Variants in MEGF8 observed in about 807,000 individuals in gnomAD.
MEGF8 encodes multiple epidermal growth factor-like domains protein 8.
In MEGF8, 156 loss-of-function variants were observed where a neutral mutation model predicts 302.9. That is an observed-to-expected ratio of 0.52 (90% CI 0.45 to 0.59). The LOEUF (loss-of-function observed/expected upper bound fraction) is 0.59. Ranked by LOEUF, MEGF8 falls within the 20% of genes least tolerant of loss-of-function variation. MEGF8 has a pLI of 0.00. For missense variants in MEGF8, 3,345 were observed against 3,964.5 expected (o/e 0.84, Z 4.20); for synonymous variants, 1,621 against 1,660.5 (o/e 0.98, Z 0.58).
rs561021039 is a variant in MEGF8 at position 42,354,378 on chromosome 19, A to G, written c.4012-210A>G. 6.6e-6 allele frequency among the ~76,000 whole-genome samples: 1 copy of G among 152,070 alleles called. No homozygotes were observed. Among genetic ancestry groups the G allele is most frequent in the African/African-American group, 2.4e-5 (1 of 41,414 alleles). On this transcript the variant is annotated intron_variant, in intron 22 of 41. Coordinates refer to ENST00000251268, the MANE Select transcript of MEGF8 (RefSeq NM_001271938.2). This position sits in a 1 kb window ranked among gnomAD's most constrained non-coding sequence, Gnocchi z 4.3. ...CATGTTGAGAAAGGGGCTCAATGCAAGAGTGCCTGATAGATGAGCCGTGTC... is the reference window on the plus strand; with the variant it reads ...CATGTTGAGAAAGGGGCTCAATGCAGGAGTGCCTGATAGATGAGCCGTGTC...
chr19:42,365,491 T>C (rs953076214), intron 35 of MEGF8, among the ~76,000 whole-genome samples: 1 of 150,140 alleles, frequency 6.7e-6, no homozygotes, highest in African/African-American at 2.5e-5. Context: ...CTTAGCTGGG[T>C]GGGGTGGCTC....
At position 42,375,433 on chromosome 19, in the gene MEGF8, C is replaced by T. The variant is rs988273636; in HGVS notation, c.7270-74C>T. Reference sequence around the variant, plus strand: ...TACTTAGCAGTGGGTATAGAGTATTCGTCACTGCTGCTTGGGGGACAGGCT... The same window carrying T: ...TACTTAGCAGTGGGTATAGAGTATTTGTCACTGCTGCTTGGGGGACAGGCT... On this transcript the variant is annotated intron_variant, in intron 41 of 41. Coordinates refer to ENST00000251268, the MANE Select transcript of MEGF8 (RefSeq NM_001271938.2). The surrounding 1 kb of genome is among the most constrained non-coding windows in gnomAD (Gnocchi z 7.1). 149 of 1,408,364 alleles carry T rather than the reference C, an allele frequency of 1.1e-4. No individual in the cohort carries two copies. Among genetic ancestry groups the T allele is most frequent in the Non-Finnish European group, 1.3e-4 (133 of 1,051,020 alleles). The allele number at this position is 1,408,364 out of a possible 1,614,324, so 87.2% of individuals were successfully genotyped here.
chr19:42,358,342 G>T lies in MEGF8; in HGVS notation c.5175+35G>T. ...AGAGGCTCAGACCCAAGGATGTATG[G>T]GGCAGGAGGGAGGGGTCCTCTTTCC... is the stretch of plus-strand genomic sequence containing the variant. On this transcript the variant is annotated intron_variant, in intron 29 of 41. Coordinates refer to ENST00000251268, the MANE Select transcript of MEGF8 (RefSeq NM_001271938.2). The surrounding 1 kb of genome is among the most constrained non-coding windows in gnomAD (Gnocchi z 4.4). The T allele has an allele frequency of 6.4e-7, 1 of 1,557,948 alleles. No homozygotes were observed. The highest frequency in any genetic ancestry group is 8.6e-7 in the Non-Finnish European group (1 of 1,156,474).
chr19:42,328,293 G>A (rs2039011457), intron 1 of MEGF8, among the ~76,000 whole-genome samples: 1 of 152,190 alleles, frequency 6.6e-6, no homozygotes, highest in South Asian at 2.1e-4. Flanking sequence ...CCAGACAGGG[G>A]AGGTCCTGGG....
intron 1 of MEGF8, among the ~76,000 whole-genome samples, chr19:42,328,137 G>A (rs903457629): frequency 4.6e-5 from 7 of 152,224 alleles, no homozygotes; most frequent in African/African-American, 1.7e-4. Context: ...GCCAGAGGCT[G>A]CAGGGTGGGA....
In MEGF8 at chr19:42,358,194, G is replaced by C; in HGVS notation, c.5062G>C (p.Val1688Leu). 8 of 1,602,780 alleles carry C rather than the reference G, an allele frequency of 5.0e-6. No individual in the cohort carries two copies. The highest frequency in any genetic ancestry group is 6.8e-6 in the Non-Finnish European group (8 of 1,175,064). ...CCACGAGGCCACCGACTCCCTCTAC[G>C]TGTTTGGGGGGTTCCGATTCCATGT... ...VYHEATDSLY[V>L]FGGFRFHVEL... is the part of the protein sequence containing the mutation. The change falls in exon 29 of 42, where the codon GTG (valine) becomes CTG (leucine). Residue 1688 changes from valine to leucine, a missense_variant. Val to Leu is a conservative substitution (Grantham distance 32). Transcript: ENST00000251268. The surrounding 1 kb of genome is among the most constrained non-coding windows in gnomAD (Gnocchi z 4.4).
intron 8 of MEGF8, 52 bp downstream of exon 8, chr19:42,337,258 C>A: frequency 1.2e-6 from 2 of 1,609,428 alleles, no homozygotes. Flanking sequence ...CACCTCTCTC[C>A]ATAGTGATTC....
In MEGF8 at chr19:42,376,119, A is replaced by G. The variant is rs1303183639; in HGVS notation, c.7882A>G (p.Asn2628Asp). The change falls in exon 42 of 42, where the codon AAC becomes GAC. Residue 2628 changes from asparagine to aspartate, a missense_variant. By Grantham distance (23) the Asn-to-Asp change is conservative. Coordinates refer to ENST00000251268, the MANE Select transcript of MEGF8 (RefSeq NM_001271938.2). The surrounding 1 kb of genome is among the most constrained non-coding windows in gnomAD (Gnocchi z 8.2). ...GVGDPSGPGA[N>D]GSADSQGLLF... is the part of the protein sequence containing the mutation. ...GGGAGACCCAAGTGGGCCCGGCGCC[A>G]ACGGCTCAGCCGACTCGCAGGGCCT... 1.2e-6 allele frequency: 2 copies of G among 1,607,692 alleles called. No individual in the cohort carries two copies. Among genetic ancestry groups the G allele is most frequent in the Non-Finnish European group, 1.7e-6 (2 of 1,179,804 alleles).
At position 42,337,072 on chromosome 19, in the gene MEGF8, C is replaced by T; in HGVS notation, c.1391-12C>T. ...TAGGCTTGCCAGCTATGCCCCTTTCCTCCATTCCCAGGGGGCAATGTGCAC... is the reference window on the plus strand; with the variant it reads ...TAGGCTTGCCAGCTATGCCCCTTTCTTCCATTCCCAGGGGGCAATGTGCAC... On this transcript the variant is annotated splice_polypyrimidine_tract_variant and intron_variant, in intron 7 of 41. Coordinates refer to ENST00000251268, the MANE Select transcript of MEGF8 (RefSeq NM_001271938.2). 4 of 1,613,740 alleles carry T rather than the reference C, an allele frequency of 2.5e-6. No individual in the cohort carries two copies. Among genetic ancestry groups the T allele is most frequent in the South Asian group, 1.1e-5 (1 of 91,044 alleles).
Position 42,362,400 on chromosome 19 carries a change from G to GT in MEGF8, c.5862dup (p.Lys1955Ter), listed in dbSNP as rs1783719812. ...CCTCACCAGGCGTCCACCCCCCGCT[G>GT]TAAGTGGTGTACCAACTGCCCCGAA... On this transcript the variant is annotated frameshift_variant, in exon 34 of 42. Transcript: ENST00000251268. LOFTEE classifies it high-confidence loss of function. 1 of 1,613,846 alleles carries GT rather than the reference G, an allele frequency of 6.2e-7. No individual in the cohort carries two copies. Among genetic ancestry groups the GT allele is most frequent in the Non-Finnish European group, 8.5e-7 (1 of 1,179,888 alleles).
In MEGF8 at chr19:42,344,753, G is replaced by A; in HGVS notation, c.2017G>A (p.Ala673Thr). 3.1e-6 allele frequency: 5 copies of A among 1,612,230 alleles called. No homozygotes were observed. The highest frequency in any genetic ancestry group is 4.2e-6 in the Non-Finnish European group (5 of 1,178,916). The change falls in exon 12 of 42, where the codon GCC becomes ACC. Residue 673 changes from alanine (A) to threonine (T), a missense_variant. Ala to Thr is a moderately conservative substitution (Grantham distance 58). Coordinates refer to ENST00000251268, the MANE Select transcript of MEGF8 (RefSeq NM_001271938.2). This position sits in a 1 kb window ranked among gnomAD's most constrained non-coding sequence, Gnocchi z 4.5. ...PAPVFVTSLE[A>T]CVTQSFLPGL... ...GCCTGTCTTCGTCACGTCCCTGGAG[G>A]CCTGCGTCACCCAGAGCTTCCTGCC...
At position 42,368,610 on chromosome 19, in the gene MEGF8, C is replaced by T. The variant is rs1384048898; in HGVS notation, c.6429C>T (p.Gly2143=). 2.5e-6 allele frequency: 4 copies of T among 1,570,092 alleles called. No homozygotes were observed. In the South Asian group the frequency reaches 4.6e-5, roughly 18 times the overall value. The change falls in exon 36 of 42, where the codon GGC becomes GGT. Residue 2143 remains glycine, a synonymous_variant. Coordinates refer to ENST00000251268, the MANE Select transcript of MEGF8 (RefSeq NM_001271938.2). This position sits in a 1 kb window ranked among gnomAD's most constrained non-coding sequence, Gnocchi z 4.9. ...RPHCGWCAWG[G]QDGGGRCMEG... ...ATTGCGGCTGGTGTGCCTGGGGGGG[C>T]CAGGATGGGGGTGGCCGCTGCATGG... is the stretch of plus-strand genomic sequence containing the variant.
chr19:42,372,524 G>A (rs1472899627), intron 41 of MEGF8, among the ~76,000 whole-genome samples: 7 of 152,094 alleles, frequency 4.6e-5, no homozygotes, highest in Non-Finnish European at 8.8e-5. Flanking sequence ...CTTGCTCTCA[G>A]TCTTCCTTAC....
intron 8 of MEGF8, among the ~76,000 whole-genome samples, chr19:42,338,489 A>G (rs1600022818): frequency 6.6e-6 from 1 of 151,854 alleles, no homozygotes. Flanking sequence ...TGATCCGCCC[A>G]CCTCGGCCTC....
rs2039348331 is a variant in MEGF8 at position 42,350,205 on chromosome 19, T to A, written c.2557T>A (p.Ser853Thr). ...YRSSSCTSYS[S>T]CLGCLADQGC... ...CTCGTCGTCCTGCACCTCCTATTCT[T>A]CCTGCCTGGGCTGCTTGGCAGACCA... Residue 853 changes from serine to threonine, a missense_variant, in exon 15 of 42, where the codon TCC becomes ACC. Physicochemically the swap from Ser to Thr is moderately conservative, Grantham distance 58. Coordinates refer to ENST00000251268, the MANE Select transcript of MEGF8 (RefSeq NM_001271938.2). 6.2e-7 allele frequency: 1 copy of A among 1,613,642 alleles called. No homozygotes were observed.
At chr19:42,326,739 CTTTT>C (rs34036568) in intron 1 of MEGF8, among the ~76,000 whole-genome samples, 2 of 118,078 alleles carry the variant, frequency 1.7e-5, no homozygotes, top group Non-Finnish European at 1.7e-5. Flanking sequence ...ACTACTACTA[CTTTT>C]TTTTTTTTTT....
Position 42,369,802 on chromosome 19 carries a change from G to A in MEGF8, c.6834+79G>A, listed in dbSNP as rs530685082. ...CCTTCATCCCACGCTCAGGCGGCTC[G>A]CATCTCATCCTGAGCCCTGATAAGC... On this transcript the variant is annotated intron_variant, in intron 38 of 41. Coordinates refer to ENST00000251268, the MANE Select transcript of MEGF8 (RefSeq NM_001271938.2). The surrounding 1 kb of genome is among the most constrained non-coding windows in gnomAD (Gnocchi z 5.7). 2.9e-5 allele frequency: 42 copies of A among 1,424,276 alleles called. No homozygotes were observed. Among genetic ancestry groups the A allele is most frequent in the Non-Finnish European group, 3.7e-5 (39 of 1,059,470 alleles). The allele number at this position is 1,424,276 out of a possible 1,614,324, so 88.2% of individuals were successfully genotyped here. A position where few individuals can be genotyped will look rare whatever the true frequency, so the allele number is the denominator to read the frequency against.
At position 42,354,547 on chromosome 19, in the gene MEGF8, A is replaced by G. The variant is rs1165997269; in HGVS notation, c.4012-41A>G. On this transcript the variant is annotated intron_variant, in intron 22 of 41. Transcript: ENST00000251268. This position sits in a 1 kb window ranked among gnomAD's most constrained non-coding sequence, Gnocchi z 4.3. Reference sequence around the variant, plus strand: ...CTCCCAGACCCCAGGTGTCGTTCTCATCCTCATTGTCTCCTAATCCTCGAT... The same window carrying G: ...CTCCCAGACCCCAGGTGTCGTTCTCGTCCTCATTGTCTCCTAATCCTCGAT... 6.3e-7 allele frequency: 1 copy of G among 1,584,600 alleles called. No individual in the cohort carries two copies. Among genetic ancestry groups the G allele is most frequent in the East Asian group, 2.3e-5 (1 of 44,124 alleles).
chr19:42,354,001 C>A lies in MEGF8; in HGVS notation c.3988C>A (p.Pro1330Thr). 1 of 1,586,378 alleles carries A rather than the reference C, an allele frequency of 6.3e-7. No individual in the cohort carries two copies. The highest frequency in any genetic ancestry group is 1.8e-5 in the Admixed American group (1 of 56,916). The stretch of plus-strand genomic sequence containing the variant: ...TCCCCCACTCACCCTCACCTTCTCC[C>A]CCGACAGCAGCACCCCCTGCACGGT... Reference protein sequence around the residue: ...LCPPLTLTFSPDSSTPCTLSY... With the variant: ...LCPPLTLTFSTDSSTPCTLSY... Residue 1330 changes from proline to threonine, a missense_variant, in exon 22 of 42, where the codon CCC becomes ACC. Pro to Thr is a conservative substitution (Grantham distance 38). Coordinates refer to ENST00000251268, the MANE Select transcript of MEGF8 (RefSeq NM_001271938.2). The surrounding 1 kb of genome is among the most constrained non-coding windows in gnomAD (Gnocchi z 4.3).
Sources: gnomAD v4.1 joint callset for allele counts (sites outside exome capture counted in the v4.1 genomes callset) on GRCh38, gnomAD v4.1.1 for gene constraint, Gnocchi (gnomAD v3.1) non-coding constraint, MANE v1.5 for transcripts, NCBI Gene and HGNC (gene_info 2026-07-23, HGNC 2026-07-21) for gene names.